The following NETO2 variants were observed in gnomAD, a reference collection of about 807,000 sequenced individuals.
NETO2 encodes neuropilin and tolloid like 2.
In NETO2, 28 loss-of-function variants were observed where a neutral mutation model predicts 62.5. That is an observed-to-expected ratio of 0.45 (90% CI 0.33 to 0.61). NETO2 has a LOEUF of 0.61. Ranked by LOEUF, NETO2 falls within the 20% of genes least tolerant of loss-of-function variation. The pLI is 0.02. For synonymous variants in NETO2, 214 were observed against 219.1 expected (o/e 0.98, Z 0.21); for missense variants, 548 against 643.2 (o/e 0.85, Z 1.60).
At chr16:47,141,472 A>C (rs1000129428) in intron 1 of NETO2, among the ~76,000 whole-genome samples, 1 of 151,842 alleles carries the variant, frequency 6.6e-6, no homozygotes, top group East Asian at 1.9e-4. Flanking sequence ...AAAAAAAAAA[A>C]CAAAAACAAA....
chr16:47,131,822 A>G, intron 2 of NETO2, 147 bp downstream of exon 2: 2 of 688,342 alleles, frequency 2.9e-6, no homozygotes, highest in Non-Finnish European at 5.2e-6. Flanking sequence ...ACTCAGTTAA[A>G]TTGAGGCTGA....
intron 1 of NETO2, among the ~76,000 whole-genome samples, chr16:47,135,357 A>G (rs1964346047): frequency 6.6e-6 from 1 of 152,154 alleles, no homozygotes; most frequent in Non-Finnish European, 1.5e-5. Context: ...AAGACCTCAC[A>G]CTTTGAATTC....
chr16:47,133,295 A>G (rs533468338), intron 1 of NETO2, among the ~76,000 whole-genome samples: 1 of 152,024 alleles, frequency 6.6e-6, no homozygotes, highest in East Asian at 1.9e-4. Context: ...CATGGAGGGC[A>G]GGGCGCTGGT....
At chr16:47,118,125 G>A (rs1379808234) in intron 6 of NETO2, among the ~76,000 whole-genome samples, 2 of 152,018 alleles carry the variant, frequency 1.3e-5, no homozygotes, top group Non-Finnish European at 2.9e-5. Context: ...GGAGAATGTC[G>A]TTTTTTGTTA....
rs11554120 is a variant in NETO2, at chr16:47,082,937, T to A, written c.*284A>T. ...AAGAGGCAGCCTGAGCCTGGCTCCA[T>A]CCAACCACCTCTTCTAATGCTCTTT... is the stretch of plus-strand genomic sequence containing the variant. On this transcript the variant is annotated 3_prime_UTR_variant, in exon 9 of 9. Transcript: ENST00000562435. 3.5e-5 allele frequency: 11 copies of A among 314,898 alleles called. No homozygotes were observed. The highest frequency in any genetic ancestry group is 2.1e-4 in the African/African-American group (10 of 46,876). The allele number at this position is 314,898 out of a possible 1,614,324, so 19.5% of individuals were successfully genotyped here. A position where few individuals can be genotyped will look rare whatever the true frequency, so the allele number is the denominator to read the frequency against.
At chr16:47,104,482 T>C (rs891599405) in intron 7 of NETO2, among the ~76,000 whole-genome samples, 1 of 152,128 alleles carries the variant, frequency 6.6e-6, no homozygotes, top group Non-Finnish European at 1.5e-5. Flanking sequence ...TTTAAAATGA[T>C]CCCTATCAAA....
intron 1 of NETO2, among the ~76,000 whole-genome samples, chr16:47,132,847 T>C (rs888053777): frequency 6.6e-6 from 1 of 151,938 alleles, no homozygotes; most frequent in Admixed American, 6.6e-5. Context: ...TGGTTAAGAG[T>C]ATGGACTTAA....
At chr16:47,116,483 T>A (rs1963925109) in intron 6 of NETO2, among the ~76,000 whole-genome samples, 2 of 152,362 alleles carry the variant, frequency 1.3e-5, no homozygotes, top group South Asian at 4.1e-4. Flanking sequence ...TAAACCACGC[T>A]TTACTATTAT....
At chr16:47,126,368 T>C (rs1239758858) in intron 4 of NETO2, among the ~76,000 whole-genome samples, 1 of 152,230 alleles carries the variant, frequency 6.6e-6, no homozygotes, top group East Asian at 1.9e-4. Context: ...TGCATATTGC[T>C]AACTGGAAAA....
intron 7 of NETO2, among the ~76,000 whole-genome samples, chr16:47,100,617 A>G (rs1596712420): frequency 6.6e-6 from 1 of 152,120 alleles, no homozygotes; most frequent in Non-Finnish European, 1.5e-5. Flanking sequence ...ATGATAAAGG[A>G]GATATAATCA....
intron 6 of NETO2, among the ~76,000 whole-genome samples, chr16:47,120,635 C>T (rs1013999868): frequency 6.6e-6 from 1 of 152,226 alleles, no homozygotes; most frequent in African/African-American, 2.4e-5. Flanking sequence ...ATCATCCCCA[C>T]ATCCTGGCCA....
At chr16:47,118,535 C>T (rs1043033863) in intron 6 of NETO2, among the ~76,000 whole-genome samples, 13 of 152,146 alleles carry the variant, frequency 8.5e-5, no homozygotes, top group Non-Finnish European at 1.2e-4. Flanking sequence ...AGAAAAAAGC[C>T]GGGATTCCCT....
chr16:47,095,478 T>G (rs902592294), intron 7 of NETO2, among the ~76,000 whole-genome samples: 2 of 151,934 alleles, frequency 1.3e-5, no homozygotes, highest in Admixed American at 6.6e-5. Context: ...TATAAAAAAG[T>G]TGAAAGTAAA....
At chr16:47,141,006 C>T (rs1160626781) in intron 1 of NETO2, among the ~76,000 whole-genome samples, 1 of 152,096 alleles carries the variant, frequency 6.6e-6, no homozygotes. Flanking sequence ...AAGATTAACT[C>T]GAATTCTGTG....
At chr16:47,120,615 G>C (rs1385639460) in intron 6 of NETO2, among the ~76,000 whole-genome samples, 1 of 152,072 alleles carries the variant, frequency 6.6e-6, no homozygotes, top group Admixed American at 6.6e-5. Flanking sequence ...TTATACTTTT[G>C]TACCCATTAA....
chr16:47,101,821 T>C (rs1164880546), intron 7 of NETO2, among the ~76,000 whole-genome samples: 1 of 152,186 alleles, frequency 6.6e-6, no homozygotes, highest in African/African-American at 2.4e-5. Flanking sequence ...TGCTCATGGA[T>C]AGGAAGAATC....
At chr16:47,092,497 C>T (rs1430072325) in intron 7 of NETO2, among the ~76,000 whole-genome samples, 1 of 152,172 alleles carries the variant, frequency 6.6e-6, no homozygotes, top group Non-Finnish European at 1.5e-5. Context: ...AATGATAGCA[C>T]ACGTCGGTTT....
chr16:47,129,508 A>C (rs560463527), intron 2 of NETO2, 144 bp from the exon 3 acceptor site: 38 of 816,756 alleles, frequency 4.7e-5, no homozygotes, highest in Non-Finnish European at 6.7e-5. Context: ...TAGCACAATA[A>C]ATTGAGTACA....
chr16:47,113,483 A>C (rs977668501), intron 6 of NETO2, among the ~76,000 whole-genome samples: 1 of 151,558 alleles, frequency 6.6e-6, no homozygotes, highest in Non-Finnish European at 1.5e-5. Context: ...AGTCTAGCTC[A>C]TTTTATTTAG....
Sources: gnomAD v4.1 joint callset for allele counts (sites outside exome capture counted in the v4.1 genomes callset) on GRCh38, gnomAD v4.1.1 for gene constraint, MANE v1.5 for transcripts, NCBI Gene and HGNC (gene_info 2026-07-23, HGNC 2026-07-21) for gene names.